Variants in GABRA5 observed in about 807,000 individuals in gnomAD.
The protein encoded by GABRA5 is gamma-aminobutyric acid receptor subunit alpha-5.
Under a neutral mutation model 47.3 loss-of-function variants are expected in GABRA5, and 18 were observed. The ratio of observed to expected loss-of-function variants is 0.38; its 90% confidence interval spans 0.26 to 0.56. GABRA5 has a LOEUF of 0.56. Among genes scored for constraint, GABRA5 ranks in the 20% least tolerant of loss-of-function variants. GABRA5 has a pLI of 0.71. For missense variants in GABRA5, 365 were observed against 599.3 expected, an observed-to-expected ratio of 0.61 and a Z score of 4.08; for synonymous variants, 237 against 229.3, an observed-to-expected ratio of 1.03 and a Z score of -0.30.
rs74365080 is a variant in GABRA5 at position 26,914,901 on chromosome 15, A to G, written c.580+16A>G. ...TTTGGCAGCTGTAAGTTATTTTCAC[A>G]AGTAAGAGCCTTGGACATATACTTT... On this transcript the variant is annotated intron_variant, in intron 7 of 10. Coordinates refer to ENST00000335625, the MANE Select transcript of GABRA5 (RefSeq NM_000810.4). The G allele has an allele frequency of 2.9e-4, 464 of 1,604,652 alleles. 1 individual carries two copies. In the African/African-American group the frequency reaches 3.3e-3, roughly 11 times the overall value.
rs372061541 is a variant in GABRA5 at position 26,883,462 on chromosome 15, C to T, written c.402C>T (p.Phe134=). 12 of 1,614,090 alleles carry T rather than the reference C, an allele frequency of 7.4e-6. No individual in the cohort carries two copies. The highest frequency in any genetic ancestry group is 1.0e-5 in the Non-Finnish European group (12 of 1,180,036). The change falls in exon 6 of 11, where the codon TTC becomes TTT. Residue 134 remains phenylalanine (F), a synonymous_variant. Coordinates refer to ENST00000335625, the MANE Select transcript of GABRA5 (RefSeq NM_000810.4). This position sits in a 1 kb window ranked among gnomAD's most constrained non-coding sequence, Gnocchi z 4.8. ...LASKIWTPDT[F]FHNGKKSIAH... ...GCAAGATCTGGACCCCAGACACGTT[C>T]TTCCACAACGGGAAGAAGTCCATCG... is the stretch of plus-strand genomic sequence containing the variant.
intron 3 of GABRA5, among the ~76,000 whole-genome samples, chr15:26,878,991 G>A (rs1892662219): frequency 6.6e-6 from 1 of 152,208 alleles, no homozygotes; most frequent in South Asian, 2.1e-4. Flanking sequence ...TGGCTGCACA[G>A]CCTCCAAATG....
intron 3 of GABRA5, among the ~76,000 whole-genome samples, chr15:26,870,872 G>T (rs1892450861): frequency 6.6e-6 from 1 of 152,186 alleles, no homozygotes; most frequent in Admixed American, 6.5e-5. Context: ...AATATATCAG[G>T]ATTGGAAACT....
chr15:26,874,182 G>A lies in GABRA5; in HGVS notation c.86+4848G>A, dbSNP rs574447304. ...ATTTTAATTAATGAGAAATTTCAGA[G>A]GAAAGTACTAGAAGCAAAAATAAAA... On this transcript the variant is annotated intron_variant, in intron 3 of 10. Coordinates refer to ENST00000335625, the MANE Select transcript of GABRA5 (RefSeq NM_000810.4). 3.9e-5 allele frequency among the ~76,000 whole-genome samples: 6 copies of A among 152,188 alleles called. No homozygotes were observed. In the East Asian group the frequency reaches 9.7e-4, roughly 25 times the overall value.
intron 7 of GABRA5, among the ~76,000 whole-genome samples, chr15:26,934,569 TG>T (rs1894190568): frequency 6.6e-6 from 1 of 152,238 alleles, no homozygotes; most frequent in African/African-American, 2.4e-5. Flanking sequence ...TAGCTGCTGT[TG>T]ATGAAGTACC....
intron 2 of GABRA5, 150 bp downstream of exon 2, chr15:26,868,943 G>A (rs1892394545): frequency 3.4e-6 from 1 of 297,876 alleles, no homozygotes; most frequent in East Asian, 5.8e-5. Context: ...ACGAATTAGG[G>A]TGATTCTGCA....
At chr15:26,901,637 C>T (rs960594148) in intron 6 of GABRA5, among the ~76,000 whole-genome samples, 34 of 152,092 alleles carry the variant, frequency 2.2e-4, no homozygotes, top group African/African-American at 7.7e-4. Context: ...GTGTCTTTCA[C>T]AGAACAGAAA....
At chr15:26,868,989 T>C (rs1233974572) in intron 2 of GABRA5, among the ~76,000 whole-genome samples, 186 bp from the exon 3 acceptor site, 1 of 152,322 alleles carries the variant, frequency 6.6e-6, no homozygotes, top group Non-Finnish European at 1.5e-5. Context: ...TCTTGTTACT[T>C]ATTTTTATGC....
chr15:26,933,082 A>G (rs933220383), intron 7 of GABRA5, among the ~76,000 whole-genome samples: 12 of 148,534 alleles, frequency 8.1e-5, no homozygotes, highest in Non-Finnish European at 1.3e-4. Context: ...CACATCCTGC[A>G]CATGTATCCC....
intron 3 of GABRA5, among the ~76,000 whole-genome samples, chr15:26,870,991 C>G (rs111866589): frequency 6.6e-6 from 1 of 151,914 alleles, no homozygotes; most frequent in Non-Finnish European, 1.5e-5. Flanking sequence ...GTCAGGAGTT[C>G]GAGATCAGCC....
At chr15:26,937,099 T>C in intron 7 of GABRA5, 86 bp from the exon 8 acceptor site, 1 of 1,504,738 alleles carries the variant, frequency 6.6e-7, no homozygotes, top group Non-Finnish European at 9.2e-7. Context: ...TCATCCTCTC[T>C]CTTGCTACTT....
At chr15:26,942,308 A>T (rs780228572) in intron 9 of GABRA5, among the ~76,000 whole-genome samples, 2 of 152,220 alleles carry the variant, frequency 1.3e-5, no homozygotes, top group Non-Finnish European at 1.5e-5. Flanking sequence ...CCAGGGATCC[A>T]GCCTGGCTGT....
intron 3 of GABRA5, among the ~76,000 whole-genome samples, chr15:26,873,189 T>C (rs1475151910): frequency 6.6e-6 from 1 of 152,152 alleles, no homozygotes; most frequent in Non-Finnish European, 1.5e-5. Context: ...ACAGAAACAA[T>C]ATTGGCACCA....
intron 4 of GABRA5, 143 bp downstream of exon 4, chr15:26,881,110 G>T: frequency 1.2e-6 from 1 of 825,208 alleles, no homozygotes; most frequent in Non-Finnish European, 1.8e-6. Context: ...TTCCACTCTT[G>T]CCAAGAATCA....
Position 26,937,360 on chromosome 15 carries a change from C to G in GABRA5, c.724+32C>G, listed in dbSNP as rs189562874. 1,150 of 1,571,164 alleles carry G rather than the reference C, an allele frequency of 7.3e-4. 15 individuals are homozygous for G. In the South Asian group the frequency reaches 9.9e-3, roughly 14 times the overall value. ...GCTCGGCACGCGCTGTGCTGCCAGG[C>G]GCACTCAGGACACCACACCCTTGGA... is the stretch of plus-strand genomic sequence containing the variant. On this transcript the variant is annotated intron_variant, in intron 8 of 10. Coordinates refer to ENST00000335625, the MANE Select transcript of GABRA5 (RefSeq NM_000810.4).
At chr15:26,887,186 T>C (rs1401592818) in intron 6 of GABRA5, among the ~76,000 whole-genome samples, 1 of 152,238 alleles carries the variant, frequency 6.6e-6, no homozygotes, top group Non-Finnish European at 1.5e-5. Context: ...ATATTACTTA[T>C]GATACCAAAC....
chr15:26,922,256 TA>T (rs1273899081), intron 7 of GABRA5, among the ~76,000 whole-genome samples: 1 of 152,212 alleles, frequency 6.6e-6, no homozygotes, highest in East Asian at 1.9e-4. Context: ...TTGTTACACA[TA>T]TTTTTTAGCT....
intron 6 of GABRA5, among the ~76,000 whole-genome samples, chr15:26,911,686 G>A (rs1004104322): frequency 2.0e-5 from 3 of 152,134 alleles, no homozygotes; most frequent in Non-Finnish European, 4.4e-5. Context: ...GTAGGTGCAT[G>A]CAACAGAAAC....
intron 6 of GABRA5, among the ~76,000 whole-genome samples, chr15:26,889,383 T>G (rs112512919): frequency 6.6e-6 from 1 of 152,166 alleles, no homozygotes; most frequent in African/African-American, 2.4e-5. Context: ...TTTTTTTTTT[T>G]TCTGGTTGGT....
Sources: gnomAD v4.1 joint callset for allele counts (sites outside exome capture counted in the v4.1 genomes callset) on GRCh38, gnomAD v4.1.1 for gene constraint, Gnocchi (gnomAD v3.1) non-coding constraint, MANE v1.5 for transcripts, NCBI Gene and HGNC (gene_info 2026-07-23, HGNC 2026-07-21) for gene names.